Variants in MIXL1 observed in about 807,000 individuals in gnomAD.
MIXL1 encodes the protein homeobox protein MIXL1.
Under a neutral mutation model 9.3 loss-of-function variants are expected in MIXL1, and 9 were observed. The observed-to-expected ratio is 0.97, with a 90% confidence interval of 0.58 to 1.69. The LOEUF (loss-of-function observed/expected upper bound fraction) is 1.69. MIXL1 is among the 40% of genes most tolerant of loss of function. The pLI is 0.00. For missense variants in MIXL1, 330 were observed against 331.7 expected, an observed-to-expected ratio of 0.99 and a Z score of 0.04; for synonymous variants, 164 against 155.6, an observed-to-expected ratio of 1.05 and a Z score of -0.40.
chr1:226,225,509 A>G lies in MIXL1; in HGVS notation c.396A>G (p.Val132=), dbSNP rs772495723. ...TTTTATTTTCTCCCCTCTTCCAGGT[A>G]TGGTTCCAGAACAGGCGTGCCAAGT... The part of the protein sequence containing the change: ...LTLLPESRIQ[V]WFQNRRAKSR... The change falls in exon 2 of 2, where the codon GTA becomes GTG. Residue 132 remains valine (V), a splice_region_variant and synonymous_variant. Coordinates refer to ENST00000366810, the MANE Select transcript of MIXL1 (RefSeq NM_031944.3). 6.2e-7 allele frequency: 1 copy of G among 1,613,566 alleles called. No homozygotes were observed. Among genetic ancestry groups the G allele is most frequent in the Non-Finnish European group, 8.5e-7 (1 of 1,179,758 alleles).
rs928356427 is a variant in MIXL1, at chr1:226,226,884, C to T, written c.*1072C>T. ...CTTTCAGTTTTGAACCAAATTCATA[C>T]CTTTTGCTTTCAAAACACTCGAGGA... On this transcript the variant is annotated 3_prime_UTR_variant, in exon 2 of 2. Transcript: ENST00000366810. 1 of 152,082 alleles carries T rather than the reference C, an allele frequency of 6.6e-6. No homozygotes were observed. The highest frequency in any genetic ancestry group is 2.4e-5 in the African/African-American group (1 of 41,406). The allele number at this position is 152,082 out of a possible 1,614,324, so 9.4% of individuals were successfully genotyped here.
chr1:226,224,294 T>A (rs1657098027), intron 1 of MIXL1, among the ~76,000 whole-genome samples: 1 of 152,294 alleles, frequency 6.6e-6, no homozygotes, highest in African/African-American at 2.4e-5. Flanking sequence ...CTGAACGATT[T>A]CTCTCATTAT....
chr1:226,225,621 T>A lies in MIXL1; in HGVS notation c.508T>A (p.Cys170Ser). 6.2e-7 allele frequency: 1 copy of A among 1,614,178 alleles called. No individual in the cohort carries two copies. Among genetic ancestry groups the A allele is most frequent in the Non-Finnish European group, 8.5e-7 (1 of 1,180,036 alleles). The change falls in exon 2 of 2, where the codon TGT becomes AGT. Residue 170 changes from cysteine to serine, a missense_variant. By Grantham distance (112) the Cys-to-Ser change is moderately radical (BLOSUM62 -1). Transcript: ENST00000366810. ...NHCAPGTETK[C>S]LKPQLPLEVD... is the part of the protein sequence containing the mutation. ...CTGTGCTCCTGGAACTGAAACGAAA[T>A]GTCTGAAGCCCCAGCTGCCTCTTGA...
In MIXL1 at chr1:226,226,279, T is replaced by C. The variant is rs1350107193; in HGVS notation, c.*467T>C. The stretch of plus-strand genomic sequence containing the variant: ...CCCTCATCCTAGGTTTATTACTTTT[T>C]AAAATTGGGCCTGTCATCTTCACGT... On this transcript the variant is annotated 3_prime_UTR_variant, in exon 2 of 2. Coordinates refer to ENST00000366810, the MANE Select transcript of MIXL1 (RefSeq NM_031944.3). The C allele has an allele frequency of 6.5e-6, 1 of 153,946 alleles. No individual in the cohort carries two copies. The highest frequency in any genetic ancestry group is 1.4e-5 in the Non-Finnish European group (1 of 69,312). The allele number at this position is 153,946 out of a possible 1,614,324, so 9.5% of individuals were successfully genotyped here.
At position 226,224,027 on chromosome 1, in the gene MIXL1, C is replaced by T; in HGVS notation, c.346C>T (p.Arg116Cys). The stretch of plus-strand genomic sequence containing the variant: ...GACCCGGTACCCCGACATCCACTTG[C>T]GCGAGCGCCTGGCCGCGCTCACCCT... ...RRTRYPDIHL[R>C]ERLAALTLLP... The change falls in exon 1 of 2, where the codon CGC (arginine) becomes TGC (cysteine). Residue 116 changes from arginine to cysteine, a missense_variant. By Grantham distance (180) the Arg-to-Cys change is radical. Coordinates refer to ENST00000366810, the MANE Select transcript of MIXL1 (RefSeq NM_031944.3). 1.4e-6 allele frequency: 2 copies of T among 1,417,506 alleles called. No individual in the cohort carries two copies. Among genetic ancestry groups the T allele is most frequent in the Admixed American group, 2.3e-5 (1 of 44,040 alleles). 87.8% of individuals were successfully genotyped at this position (1,417,506 alleles called of 1,614,324 possible).
Position 226,223,909 on chromosome 1 carries a change from C to T in MIXL1, c.228C>T (p.Pro76=), listed in dbSNP as rs751675243. Reference sequence around the variant, plus strand: ...CCAGCCTGGGCTCGCCTGCGCCCCCCAAAGGCGCGGCCGCCCCGTCGGCGT... The same window carrying T: ...CCAGCCTGGGCTCGCCTGCGCCCCCTAAAGGCGCGGCCGCCCCGTCGGCGT... The part of the protein sequence containing the change: ...PPASLGSPAP[P]KGAAAPSASQ... The change falls in exon 1 of 2, where the codon CCC becomes CCT. Residue 76 remains proline (P), a synonymous_variant. Transcript: ENST00000366810. 4.5e-6 allele frequency: 6 copies of T among 1,332,724 alleles called. No homozygotes were observed. Among genetic ancestry groups the T allele is most frequent in the African/African-American group, 4.5e-5 (3 of 67,014 alleles). The allele number at this position is 1,332,724 out of a possible 1,614,324, so 82.6% of individuals were successfully genotyped here.
chr1:226,224,673 CTT>C (rs1295655899), intron 1 of MIXL1, among the ~76,000 whole-genome samples: 1 of 152,130 alleles, frequency 6.6e-6, no homozygotes, highest in Non-Finnish European at 1.5e-5. Flanking sequence ...AGTTTTAACT[CTT>C]GTTGCCCAGG....
rs767089203 is a variant in MIXL1 at position 226,225,707 on chromosome 1, C to T, written c.594C>T (p.Ser198=). 3 of 1,614,198 alleles carry T rather than the reference C, an allele frequency of 1.9e-6. No individual in the cohort carries two copies. In the Admixed American group the frequency reaches 5.0e-5, roughly 27 times the overall value. The change falls in exon 2 of 2, where the codon AGC becomes AGT. Residue 198 remains serine (S), a synonymous_variant. Transcript: ENST00000366810. ...TTGGAGGGGGCATCTCTGACTCTAG[C>T]TCCCAAGGTCAGAATTTTGAAACCT... The part of the protein sequence containing the change: ...NGVGGGISDS[S]SQGQNFETCS...
rs1252883287 is a variant in MIXL1 at position 226,225,590 on chromosome 1, C to T, written c.477C>T (p.Leu159=). The T allele has an allele frequency of 6.2e-7, 1 of 1,614,248 alleles. No individual in the cohort carries two copies. The highest frequency in any genetic ancestry group is 1.7e-5 in the Admixed American group (1 of 60,034). The change falls in exon 2 of 2, where the codon CTC becomes CTT. Residue 159 remains leucine, a synonymous_variant. Transcript: ENST00000366810. ...CTTTGGCTAGGCCGGAGATTATCCT[C>T]AACCACTGTGCTCCTGGAACTGAAA... is the stretch of plus-strand genomic sequence containing the variant. ...FQPLARPEII[L]NHCAPGTETK... is the part of the protein sequence containing the mutation.
In MIXL1 at chr1:226,223,769, C is replaced by T. The variant is rs1327588372; in HGVS notation, c.88C>T (p.Leu30=). 1.4e-6 allele frequency: 2 copies of T among 1,404,676 alleles called. No individual in the cohort carries two copies. The highest frequency in any genetic ancestry group is 3.0e-5 in the South Asian group (2 of 67,340). The allele number at this position is 1,404,676 out of a possible 1,614,324, so 87.0% of individuals were successfully genotyped here. Reference sequence around the variant, plus strand: ...GGCCCCCCACGCCGGCGGGGCGCTCCTGCCGCCCCCGAGCCCTGCGGCAGC... The same window carrying T: ...GGCCCCCCACGCCGGCGGGGCGCTCTTGCCGCCCCCGAGCCCTGCGGCAGC... The part of the protein sequence containing the change: ...YRAPHAGGAL[L]PPPSPAAALL... The change falls in exon 1 of 2, where the codon CTG becomes TTG. Residue 30 remains leucine, a synonymous_variant. Coordinates refer to ENST00000366810, the MANE Select transcript of MIXL1 (RefSeq NM_031944.3).
Position 226,224,078 on chromosome 1 carries a change from AG to A in MIXL1, c.393+7del. On this transcript the variant is annotated splice_donor_5th_base_variant and intron_variant, in intron 1 of 1. Transcript: ENST00000366810. ...GCTCCCCGAGTCCAGGATCCAGGTG[AG>A]GGCCCGCTGCGTTCGCAAGTGCGCG... The A allele has an allele frequency of 7.6e-7, 1 of 1,320,676 alleles. No homozygotes were observed. 81.8% of individuals were successfully genotyped at this position (1,320,676 alleles called of 1,614,324 possible).
intron 1 of MIXL1, 60 bp from the exon 2 acceptor site, chr1:226,225,447 C>T: frequency 5.1e-6 from 8 of 1,569,086 alleles, no homozygotes; most frequent in Non-Finnish European, 6.9e-6. Flanking sequence ...GAACTGTGAA[C>T]ATAATGTTAG....
chr1:226,224,924 G>C (rs1212499081), intron 1 of MIXL1, among the ~76,000 whole-genome samples: 1 of 152,164 alleles, frequency 6.6e-6, no homozygotes, highest in Non-Finnish European at 1.5e-5. Flanking sequence ...GAGCCACCGC[G>C]CCCGGCCGTG....
In MIXL1 at chr1:226,223,903, G is replaced by GC. The variant is rs1294221550; in HGVS notation, c.228dup (p.Lys77GlnfsTer78). The GC allele has an allele frequency of 3.1e-6, 4 of 1,291,970 alleles. No individual in the cohort carries two copies. Among genetic ancestry groups the GC allele is most frequent in the Non-Finnish European group, 3.9e-6 (4 of 1,015,726 alleles). 80.0% of individuals were successfully genotyped at this position (1,291,970 alleles called of 1,614,324 possible). On this transcript the variant is annotated frameshift_variant, in exon 1 of 2. Transcript: ENST00000366810. LOFTEE classifies it high-confidence loss of function. ...CCCCCGCCAGCCTGGGCTCGCCTGC[G>GC]CCCCCCAAAGGCGCGGCCGCCCCGT...
rs1208491259 is a variant in MIXL1, at chr1:226,223,788, C to T, written c.107C>T (p.Ala36Val). 4 of 1,373,990 alleles carry T rather than the reference C, an allele frequency of 2.9e-6. No individual in the cohort carries two copies. The highest frequency in any genetic ancestry group is 3.1e-5 in the Admixed American group (1 of 32,258). The allele number at this position is 1,373,990 out of a possible 1,614,324, so 85.1% of individuals were successfully genotyped here. Residue 36 changes from alanine to valine, a missense_variant, in exon 1 of 2, where the codon GCG (alanine) becomes GTG (valine). Transcript: ENST00000366810. ...GCGCTCCTGCCGCCCCCGAGCCCTG[C>T]GGCAGCCCTGCTCCCTGCGCCGCCC... ...GGALLPPPSP[A>V]AALLPAPPAG...
In MIXL1 at chr1:226,223,746, C is replaced by T. The variant is rs1273090729; in HGVS notation, c.65C>T (p.Ala22Val). 6.3e-6 allele frequency: 9 copies of T among 1,436,090 alleles called. 1 individual carries two copies. The Admixed American group carries it at 1.3e-4, about 20-fold the overall frequency. 89.0% of individuals were successfully genotyped at this position (1,436,090 alleles called of 1,614,324 possible). The change falls in exon 1 of 2, where the codon GCC becomes GTC. Residue 22 changes from alanine (A) to valine (V), a missense_variant. Coordinates refer to ENST00000366810, the MANE Select transcript of MIXL1 (RefSeq NM_031944.3). Reference sequence around the variant, plus strand: ...GGCGCCGCGTTTCCAGCGTACCGGGCCCCCCACGCCGGCGGGGCGCTCCTG... The same window carrying T: ...GGCGCCGCGTTTCCAGCGTACCGGGTCCCCCACGCCGGCGGGGCGCTCCTG... ...AEGAAFPAYR[A>V]PHAGGALLPP...
chr1:226,224,582 G>A (rs1196865128), intron 1 of MIXL1, among the ~76,000 whole-genome samples: 1 of 152,192 alleles, frequency 6.6e-6, no homozygotes, highest in East Asian at 1.9e-4. Flanking sequence ...AAAGCGAGAA[G>A]CACCTGGAGC....
chr1:226,225,793 C>G lies in MIXL1; in HGVS notation c.680C>G (p.Ser227Cys), dbSNP rs372262546. 3.1e-6 allele frequency: 5 copies of G among 1,611,762 alleles called. No individual in the cohort carries two copies. In the Middle Eastern group the frequency reaches 4.9e-4, roughly 159 times the overall value. ...GACTCATGGGAGGAACACATCTTTT[C>G]TGCCTTTGGTAACTTTTGAGGATTC... ...KLDSWEEHIF[S>C]AFGNF The change falls in exon 2 of 2, where the codon TCT becomes TGT. Residue 227 changes from serine (S) to cysteine (C), a missense_variant. Ser to Cys is a moderately radical substitution (Grantham distance 112). Coordinates refer to ENST00000366810, the MANE Select transcript of MIXL1 (RefSeq NM_031944.3).
chr1:226,224,372 G>A (rs1377585476), intron 1 of MIXL1, among the ~76,000 whole-genome samples: 1 of 152,198 alleles, frequency 6.6e-6, no homozygotes, highest in Non-Finnish European at 1.5e-5. Context: ...ATTCCCAGCA[G>A]GAAGATAAGA....
Sources: allele counts gnomAD v4.1 joint callset (sites outside exome capture counted in the v4.1 genomes callset), GRCh38; gene constraint gnomAD v4.1.1; transcripts MANE v1.5; gene names NCBI Gene and HGNC (gene_info 2026-07-23, HGNC 2026-07-21).